The following RBFOX3 variants were observed in gnomAD, a reference collection of about 807,000 sequenced individuals.
RBFOX3 encodes the protein RNA binding protein fox-1 homolog 3.
In RBFOX3, 17 loss-of-function variants were observed where a neutral mutation model predicts 48.7. That is an observed-to-expected ratio of 0.35 (90% CI 0.24 to 0.52). The LOEUF (loss-of-function observed/expected upper bound fraction) is 0.52, where lower values mean the gene tolerates loss of function less well. Ranked by LOEUF, RBFOX3 falls within the 20% of genes least tolerant of loss-of-function variation. The pLI, the probability that RBFOX3 is intolerant of heterozygous loss-of-function variation, is 0.94. For synonymous variants in RBFOX3, 212 were observed against 209.5 expected (o/e 1.01, Z -0.10); for missense variants, 382 against 497.5 (o/e 0.77, Z 2.21).
At position 79,192,699 on chromosome 17, in the gene RBFOX3, C is replaced by T. The variant is rs553983353; in HGVS notation, c.-34+43067G>A. Among the ~76,000 whole-genome samples, 4 of 152,290 alleles carry T rather than the reference C, an allele frequency of 2.6e-5. No homozygotes were observed. The South Asian group carries it at 8.3e-4, about 32-fold the overall frequency. On this transcript the variant is annotated intron_variant, in intron 4 of 14. Transcript: ENST00000693108. ...CCGTCAGCACCAGGGACAGCTCCAG[C>T]CAGACCCTGGAGCCGCCGTGGCTGC...
chr17:79,234,442 C>T (rs1009154654), intron 4 of RBFOX3: 1 of 152,138 alleles, frequency 6.6e-6, no homozygotes, highest in African/African-American at 2.4e-5. Context: ...AAAAAGAGTG[C>T]CCAACTTTTC....
At chr17:79,340,172 G>T (rs1339015793) in intron 2 of RBFOX3, among the ~76,000 whole-genome samples, 1 of 151,984 alleles carries the variant, frequency 6.6e-6, no homozygotes, top group Non-Finnish European at 1.5e-5. Flanking sequence ...GGTGGTGCAC[G>T]CCTGTAATCC....
the RBFOX3 span, among the ~76,000 whole-genome samples, chr17:79,643,170 T>C: frequency 1.3e-5 from 2 of 152,172 alleles, no homozygotes; most frequent in Non-Finnish European, 2.9e-5. Context: ...TGGGTTACAT[T>C]AATGAAAATA....
intron 2 of RBFOX3, among the ~76,000 whole-genome samples, chr17:79,420,160 C>CACAT (rs1555721466): frequency 4.0e-5 from 6 of 150,918 alleles, no homozygotes; most frequent in African/African-American, 1.5e-4. Context: ...CACACACACA[C>CACAT]ACACACACAC....
chr17:79,578,550 G>A (rs1332907732), intron 1 of RBFOX3, among the ~76,000 whole-genome samples: 3 of 152,254 alleles, frequency 2.0e-5, no homozygotes, highest in African/African-American at 4.8e-5. Flanking sequence ...AGGCCTGGAC[G>A]GGCCGGCCAT....
intron 1 of RBFOX3, among the ~76,000 whole-genome samples, chr17:79,525,605 C>T (rs993918033): frequency 2.6e-5 from 4 of 152,174 alleles, no homozygotes; most frequent in Non-Finnish European, 5.9e-5. Context: ...TAATCACATA[C>T]GTGTAATCAA....
intron 3 of RBFOX3, among the ~76,000 whole-genome samples, chr17:79,262,635 T>A (rs2065975642): frequency 6.6e-6 from 1 of 152,160 alleles, no homozygotes; most frequent in Admixed American, 6.5e-5. Flanking sequence ...GGGCCCTCTG[T>A]GCAGGCTCAC....
chr17:79,224,293 C>G (rs1289198472), intron 4 of RBFOX3, among the ~76,000 whole-genome samples: 1 of 152,176 alleles, frequency 6.6e-6, no homozygotes, highest in African/African-American at 2.4e-5. Context: ...TTCTTTCAGA[C>G]AGCCTGAAAT....
intron 2 of RBFOX3, among the ~76,000 whole-genome samples, chr17:79,476,584 A>G (rs994577481): frequency 1.3e-5 from 2 of 152,182 alleles, no homozygotes; most frequent in Non-Finnish European, 2.9e-5. Flanking sequence ...GATTCCAGCC[A>G]CATGTTTCCC....
rs1255718634 is a variant in RBFOX3 at position 79,390,157 on chromosome 17, G to T, written c.-174-82333C>A. 6.6e-6 allele frequency among the ~76,000 whole-genome samples: 1 copy of T among 152,250 alleles called. No individual in the cohort carries two copies. Among genetic ancestry groups the T allele is most frequent in the Non-Finnish European group, 1.5e-5 (1 of 68,044 alleles). On this transcript the variant is annotated intron_variant, in intron 2 of 14. Coordinates refer to ENST00000693108, the MANE Select transcript of RBFOX3 (RefSeq NM_001350451.2). This position sits in a 1 kb window ranked among gnomAD's most constrained non-coding sequence, Gnocchi z 4.2. ...TCCACAGAGGAGGACCAGCAGCAGT[G>T]AAGGGCAAGTCCACAGAGTTCTGAG...
chr17:79,461,711 A>C (rs2075390698), intron 2 of RBFOX3, among the ~76,000 whole-genome samples: 1 of 152,210 alleles, frequency 6.6e-6, no homozygotes, highest in Non-Finnish European at 1.5e-5. Flanking sequence ...TCATTTGTCA[A>C]AGCTCTTGAA....
intron 3 of RBFOX3, among the ~76,000 whole-genome samples, chr17:79,255,283 G>A (rs954707661): frequency 1.3e-5 from 2 of 151,896 alleles, no homozygotes; most frequent in African/African-American, 4.8e-5. Context: ...AGGAGCACTG[G>A]AGAGGGAGTC....
intron 2 of RBFOX3, among the ~76,000 whole-genome samples, chr17:79,354,746 G>T (rs1465440826): frequency 6.6e-6 from 1 of 152,186 alleles, no homozygotes; most frequent in Non-Finnish European, 1.5e-5. Context: ...CAGGCACAGG[G>T]ACCTCACCTC....
chr17:79,259,630 G>A (rs1297669055), intron 3 of RBFOX3, among the ~76,000 whole-genome samples: 1 of 152,204 alleles, frequency 6.6e-6, no homozygotes, highest in Non-Finnish European at 1.5e-5. Context: ...TGATGCAGAG[G>A]CAGCTGGGAG....
chr17:79,387,659 T>C (rs1218793040), intron 2 of RBFOX3, among the ~76,000 whole-genome samples: 1 of 152,106 alleles, frequency 6.6e-6, no homozygotes, highest in Non-Finnish European at 1.5e-5. Flanking sequence ...CTATGTGCCA[T>C]GTTGTTGGAC....
chr17:79,548,004 T>C (rs1250141779), intron 1 of RBFOX3, among the ~76,000 whole-genome samples: 1 of 152,230 alleles, frequency 6.6e-6, no homozygotes, highest in African/African-American at 2.4e-5. Context: ...CTCCTCACCC[T>C]ATCCTGGACT....
At chr17:79,465,051 A>G (rs1555752718) in intron 2 of RBFOX3, among the ~76,000 whole-genome samples, 1 of 152,202 alleles carries the variant, frequency 6.6e-6, no homozygotes. Flanking sequence ...CAGCCTTCCG[A>G]AGGCGAGGTG....
chr17:79,092,065 G>C, intron 14 of RBFOX3: 1 of 985,500 alleles, frequency 1.0e-6, no homozygotes, highest in Non-Finnish European at 1.2e-6. Flanking sequence ...AGGCCGGGGA[G>C]ACCCACACTG....
At chr17:79,608,474 T>C (rs1414667435) in intron 1 of RBFOX3, among the ~76,000 whole-genome samples, 2 of 152,226 alleles carry the variant, frequency 1.3e-5, no homozygotes, top group South Asian at 2.1e-4. Flanking sequence ...CCTTTTTTCT[T>C]TGGGGGGAGG....
Sources: gnomAD v4.1 joint callset for allele counts (sites outside exome capture counted in the v4.1 genomes callset) on GRCh38, gnomAD v4.1.1 for gene constraint, Gnocchi (gnomAD v3.1) non-coding constraint, MANE v1.5 for transcripts, NCBI Gene and HGNC (gene_info 2026-07-23, HGNC 2026-07-21) for gene names.